Variants in FAF1 observed in about 807,000 individuals in gnomAD.
FAF1 encodes the protein FAS-associated factor 1.
FAF1 carries 25 observed loss-of-function variants against 92.5 expected under a neutral mutation model. The observed-to-expected ratio is 0.27, with a 90% CI of 0.20 to 0.38. FAF1 has a LOEUF of 0.38. Among genes scored for constraint, FAF1 ranks in the 10% least tolerant of loss-of-function variants. The pLI is 1.00. For synonymous variants in FAF1, 234 were observed against 273.2 expected, an observed-to-expected ratio of 0.86 and a Z score of 1.42; for missense variants, 636 against 793.3, an observed-to-expected ratio of 0.80 and a Z score of 2.38.
intron 1 of FAF1, among the ~76,000 whole-genome samples, chr1:50,902,723 C>G (rs1037098465): frequency 2.0e-5 from 3 of 152,096 alleles, no homozygotes; most frequent in African/African-American, 7.2e-5. Flanking sequence ...CTCCAGTATA[C>G]TTTAAATCAT....
chr1:50,604,241 C>T (rs951237166), intron 8 of FAF1, among the ~76,000 whole-genome samples: 3 of 152,172 alleles, frequency 2.0e-5, no homozygotes, highest in African/African-American at 7.2e-5. Context: ...CTCAGCATCT[C>T]CCTTGCCCCA....
intron 1 of FAF1, among the ~76,000 whole-genome samples, chr1:50,863,079 A>G (rs764175304): frequency 6.6e-6 from 1 of 152,046 alleles, no homozygotes; most frequent in Non-Finnish European, 1.5e-5. Context: ...TCATCAGTAC[A>G]TGGAACATTC....
intron 8 of FAF1, among the ~76,000 whole-genome samples, chr1:50,610,748 C>T (rs1401202759): frequency 6.6e-6 from 1 of 152,116 alleles, no homozygotes; most frequent in East Asian, 1.9e-4. Flanking sequence ...AGCCACACCC[C>T]TCACACCTGT....
chr1:50,734,166 G>A (rs975717678), intron 6 of FAF1, among the ~76,000 whole-genome samples: 1 of 152,086 alleles, frequency 6.6e-6, no homozygotes, highest in Non-Finnish European at 1.5e-5. Context: ...TACTCCTTGT[G>A]CTTCCAATAC....
chr1:50,498,737 C>T (rs1209538775), intron 15 of FAF1, among the ~76,000 whole-genome samples: 1 of 151,974 alleles, frequency 6.6e-6, no homozygotes, highest in Non-Finnish European at 1.5e-5. Flanking sequence ...ATAATCCCAG[C>T]TACTCAGGAA....
At chr1:50,527,107 C>T (rs796518931) in intron 15 of FAF1, among the ~76,000 whole-genome samples, 12 of 152,218 alleles carry the variant, frequency 7.9e-5, no homozygotes, top group Non-Finnish European at 1.5e-4. Context: ...CTGCCCACCT[C>T]GGCCTACCAA....
chr1:50,629,161 CTTTTTTTTTT>C (rs759732173), intron 8 of FAF1, among the ~76,000 whole-genome samples: 2 of 110,720 alleles, frequency 1.8e-5, no homozygotes, highest in African/African-American at 3.6e-5. Flanking sequence ...CAGATAGATG[CTTTTTTTTTT>C]TTTTTTTTTT....
chr1:50,842,092 CA>C (rs1460575850), intron 2 of FAF1, among the ~76,000 whole-genome samples: 1 of 152,048 alleles, frequency 6.6e-6, no homozygotes, highest in Non-Finnish European at 1.5e-5. Context: ...CCTTACTGAA[CA>C]AAAACTTTAA....
intron 15 of FAF1, among the ~76,000 whole-genome samples, chr1:50,513,998 G>A (rs1157383216): frequency 2.0e-5 from 3 of 152,172 alleles, no homozygotes; most frequent in Admixed American, 6.5e-5. Flanking sequence ...AATTAGGGTA[G>A]CAGACTGTTA....
intron 8 of FAF1, among the ~76,000 whole-genome samples, chr1:50,643,332 G>GTT (rs948611478): frequency 6.8e-6 from 1 of 146,136 alleles, no homozygotes; most frequent in Non-Finnish European, 1.5e-5. Flanking sequence ...TTCCATTCTG[G>GTT]TTTTTTTTTT....
At chr1:50,715,153 AAT>A (rs1351786991) in intron 6 of FAF1, 1 of 234,092 alleles carries the variant, frequency 4.3e-6, no homozygotes, top group Admixed American at 4.7e-5. Context: ...ATATAATCAG[AAT>A]CACAGACTTT....
intron 1 of FAF1, among the ~76,000 whole-genome samples, chr1:50,931,828 C>T (rs944089370): frequency 1.3e-5 from 2 of 151,110 alleles, no homozygotes; most frequent in African/African-American, 2.4e-5. Context: ...AAGCCGAGAT[C>T]GTGCCACTGC....
intron 1 of FAF1, among the ~76,000 whole-genome samples, chr1:50,931,824 A>G (rs1486598046): frequency 6.6e-6 from 1 of 151,598 alleles, no homozygotes; most frequent in Non-Finnish European, 1.5e-5. Flanking sequence ...AAGTAAGCCG[A>G]GATCGTGCCA....
chr1:50,679,005 T>C (rs1656300532), intron 7 of FAF1, among the ~76,000 whole-genome samples: 1 of 152,088 alleles, frequency 6.6e-6, no homozygotes, highest in South Asian at 2.1e-4. Flanking sequence ...GAGAATGGCA[T>C]GAACCCGGGA....
In FAF1 at chr1:50,878,792, A is replaced by C. The variant is rs929487662; in HGVS notation, c.46-20795T>G. On this transcript the variant is annotated intron_variant, in intron 1 of 18. Coordinates refer to ENST00000396153, the MANE Select transcript of FAF1 (RefSeq NM_007051.3). Reference sequence around the variant, plus strand: ...GTTTATCTCATTTAATCATCTCACCAACCCTATGAAGTAGATACCATTATG... The same window carrying C: ...GTTTATCTCATTTAATCATCTCACCCACCCTATGAAGTAGATACCATTATG... Among the ~76,000 whole-genome samples the C allele has an allele frequency of 2.6e-5, 4 of 152,212 alleles. No homozygotes were observed. In the South Asian group the frequency reaches 8.3e-4, roughly 31 times the overall value.
chr1:50,455,830 A>T (rs1646345058), intron 18 of FAF1, among the ~76,000 whole-genome samples: 1 of 152,134 alleles, frequency 6.6e-6, no homozygotes, highest in South Asian at 2.1e-4. Flanking sequence ...TTGATTAAAA[A>T]AATTTTGGGG....
At chr1:50,819,804 T>TATATATACGTATATATATATAC (rs1644026600) in intron 2 of FAF1, among the ~76,000 whole-genome samples, 3 of 128,562 alleles carry the variant, frequency 2.3e-5, no homozygotes, top group Non-Finnish European at 3.2e-5. Context: ...TATATATACA[T>TATATATACGTATATATATATAC]ATATATATAT....
At chr1:50,478,320 C>T (rs779888227) in intron 17 of FAF1, among the ~76,000 whole-genome samples, 11 of 152,040 alleles carry the variant, frequency 7.2e-5, no homozygotes, top group Non-Finnish European at 1.0e-4. Flanking sequence ...CGTGCCAGCA[C>T]ACCTGGCTAA....
intron 1 of FAF1, among the ~76,000 whole-genome samples, chr1:50,880,634 T>C (rs1644604234): frequency 6.6e-6 from 1 of 152,172 alleles, no homozygotes. Flanking sequence ...AGAAATGATA[T>C]CATGTGAAAC....
Sources: allele counts gnomAD v4.1 joint callset (sites outside exome capture counted in the v4.1 genomes callset), GRCh38; gene constraint gnomAD v4.1.1; transcripts MANE v1.5; gene names NCBI Gene and HGNC (gene_info 2026-07-23, HGNC 2026-07-21).